ADGRV1: variants seen among roughly 807,000 people sequenced by gnomAD.
The protein encoded by ADGRV1 is G-protein coupled receptor 98.
Under a neutral mutation model 596.2 loss-of-function variants are expected in ADGRV1, and 359 were observed. That is an observed-to-expected ratio of 0.60 (90% CI 0.55 to 0.66). ADGRV1 has a LOEUF of 0.66. Among genes scored for constraint, ADGRV1 ranks in the 30% least tolerant of loss-of-function variants. The pLI is 0.00. For missense variants in ADGRV1, 7,274 were observed against 7,575.6 expected, an observed-to-expected ratio of 0.96 and a Z score of 1.48; for synonymous variants, 2,681 against 2,679.2, an observed-to-expected ratio of 1.00 and a Z score of -0.02.
chr5:90,757,117 G>C lies in ADGRV1; in HGVS notation c.11896G>C (p.Asp3966His). Residue 3966 changes from aspartate to histidine, a missense_variant, in exon 57 of 90, where the codon GAC (aspartate) becomes CAC (histidine). Asp to His is a moderately conservative substitution (Grantham distance 81). This residue lies in a region of ADGRV1 where 3,643 missense variants were observed against 3,809.2 expected (regional missense o/e 0.96). Coordinates refer to ENST00000405460, the MANE Select transcript of ADGRV1 (RefSeq NM_032119.4). ...KASPDSAGLE[D>H]FKPSHGILEF... is the part of the protein sequence containing the mutation. ...ATCACCAGACAGTGCTGGCCTGGAA[G>C]ACTTTAAACCATCTCATGGGATTCT... is the stretch of plus-strand genomic sequence containing the variant. 3.1e-6 allele frequency: 5 copies of C among 1,613,948 alleles called. No individual in the cohort carries two copies. Among genetic ancestry groups the C allele is most frequent in the Non-Finnish European group, 4.2e-6 (5 of 1,179,836 alleles).
chr5:90,784,019 G>C lies in ADGRV1; in HGVS notation c.13615G>C (p.Val4539Leu), dbSNP rs367954083. 3.1e-6 allele frequency: 5 copies of C among 1,612,832 alleles called. No individual in the cohort carries two copies. In the African/African-American group the frequency reaches 4.0e-5, roughly 13 times the overall value. The change falls in exon 67 of 90, where the codon GTG becomes CTG. Residue 4539 changes from valine (V) to leucine (L), a missense_variant. This residue lies in a region of ADGRV1 where 3,643 missense variants were observed against 3,809.2 expected (regional missense o/e 0.96). Coordinates refer to ENST00000405460, the MANE Select transcript of ADGRV1 (RefSeq NM_032119.4). ...CAATTCCACAATGATTTTATCACTG[G>C]TGCTGGAGCGGACTGGAGGACTCTT... ...NPNSTMILSL[V>L]LERTGGLLGE...
intron 1 of ADGRV1, among the ~76,000 whole-genome samples, chr5:90,570,611 C>CT (rs1756398234): frequency 6.6e-6 from 1 of 152,062 alleles, no homozygotes; most frequent in Non-Finnish European, 1.5e-5. Flanking sequence ...CTCTGTTCAT[C>CT]TTTCTTCCTT....
At chr5:90,814,676 T>C (rs1762739010) in intron 74 of ADGRV1, among the ~76,000 whole-genome samples, 1 of 152,162 alleles carries the variant, frequency 6.6e-6, no homozygotes, top group East Asian at 1.9e-4. Context: ...TCCACCGTGA[T>C]TGTAAGTTTG....
At chr5:90,654,019 G>C (rs943865471) in intron 20 of ADGRV1, 67 bp downstream of exon 20, 2 of 1,497,930 alleles carry the variant, frequency 1.3e-6, no homozygotes, top group African/African-American at 2.8e-5. Context: ...TTAAAATTTA[G>C]ATTTTTAAAA....
chr5:91,035,863 AT>A (rs1784850931), intron 85 of ADGRV1, among the ~76,000 whole-genome samples: 13 of 104,034 alleles, frequency 1.2e-4, no homozygotes, highest in East Asian at 2.7e-4. Flanking sequence ...TATATATATT[AT>A]ATATATATAT....
At chr5:91,029,858 TAAA>T (rs1196523294) in intron 85 of ADGRV1, among the ~76,000 whole-genome samples, 1 of 152,160 alleles carries the variant, frequency 6.6e-6, no homozygotes, top group East Asian at 1.9e-4. Context: ...CTCTTGATTT[TAAA>T]AAAATCACCT....
chr5:91,155,967 T>C (rs1249035983), intron 89 of ADGRV1, among the ~76,000 whole-genome samples: 1 of 152,160 alleles, frequency 6.6e-6, no homozygotes, highest in Non-Finnish European at 1.5e-5. Flanking sequence ...ACAAGAGGAA[T>C]GCCGAGGAAA....
At position 90,721,361 on chromosome 5, in the gene ADGRV1, G is replaced by A. The variant is rs35851488; in HGVS notation, c.9748+302G>A. ...TTACTAAAAATACAAAAAATTAGCC[G>A]GGCGTAGTGGCAGGCGCCTGTGGTC... On this transcript the variant is annotated intron_variant, in intron 45 of 89. Transcript: ENST00000405460. Among the ~76,000 whole-genome samples, 47,965 of 151,136 alleles carry A rather than the reference G, an allele frequency of 0.32. 8,108 individuals carry two copies. The highest frequency in any genetic ancestry group is 0.48 in the Admixed American group (7,281 of 15,170).
chr5:90,993,978 A>G (rs948868305), intron 85 of ADGRV1, among the ~76,000 whole-genome samples: 11 of 140,786 alleles, frequency 7.8e-5, no homozygotes, highest in African/African-American at 1.8e-4. Context: ...ACATTTACCA[A>G]TTTTTTTTTT....
rs75263673 is a variant in ADGRV1, at chr5:90,613,801, G to A, written c.23-1034G>A. ...TATATCAGGAACTCATATATTTGGC[G>A]TGTCTAAGTATAAAGCCATGTGTAG... On this transcript the variant is annotated intron_variant, in intron 1 of 89. Transcript: ENST00000405460. Among the ~76,000 whole-genome samples, 674 of 152,158 alleles carry A rather than the reference G, an allele frequency of 4.4e-3. 26 individuals carry two copies. The highest frequency in any genetic ancestry group is 0.041 in the Admixed American group (628 of 15,264).
At chr5:90,775,624 G>A (rs144468411) in intron 60 of ADGRV1, among the ~76,000 whole-genome samples, 26 of 152,226 alleles carry the variant, frequency 1.7e-4, no homozygotes, top group African/African-American at 5.8e-4. Context: ...CTACAGGCAT[G>A]TGGCACTATG....
intron 87 of ADGRV1, among the ~76,000 whole-genome samples, chr5:91,116,328 A>C (rs1792847988): frequency 6.6e-6 from 1 of 152,224 alleles, no homozygotes; most frequent in South Asian, 2.1e-4. Flanking sequence ...TAGTTTTGTG[A>C]TTGTAGGCAA....
rs755010565 is a variant in ADGRV1, at chr5:90,728,890, A to G, written c.10383A>G (p.Ser3461=). The G allele has an allele frequency of 6.2e-7, 1 of 1,613,128 alleles. No individual in the cohort carries two copies. The highest frequency in any genetic ancestry group is 1.1e-5 in the South Asian group (1 of 91,018). Residue 3461 remains serine (S), a synonymous_variant, in exon 49 of 90, where the codon TCA becomes TCG. Transcript: ENST00000405460. ...SGTTEVEALS[S]ANDIYLIFAE... ...CAACAGAAGTTGAGGCTTTGTCTTC[A>G]GCCAATGATATTTACCTAATATTTG...
intron 77 of ADGRV1, among the ~76,000 whole-genome samples, chr5:90,835,187 C>T (rs1764871809): frequency 6.6e-6 from 1 of 152,034 alleles, no homozygotes; most frequent in Non-Finnish European, 1.5e-5. Flanking sequence ...GAAGTTTTTC[C>T]AGATATTTGA....
At chr5:90,706,050 C>T (rs547209967) in intron 37 of ADGRV1, among the ~76,000 whole-genome samples, 181 bp from the exon 38 acceptor site, 1 of 152,132 alleles carries the variant, frequency 6.6e-6, no homozygotes, top group African/African-American at 2.4e-5. Context: ...ATGCTTTTCC[C>T]ACAGTGAGAC....
rs563715345 is a variant in ADGRV1, at chr5:90,709,234, A to G, written c.8824+325A>G. The stretch of plus-strand genomic sequence containing the variant: ...TTAGCTGTTTTCAGTAGATCTCCAA[A>G]CTCTCAGATGTTTTTATTTTCTTTT... On this transcript the variant is annotated intron_variant, in intron 39 of 89. Coordinates refer to ENST00000405460, the MANE Select transcript of ADGRV1 (RefSeq NM_032119.4). 3.9e-5 allele frequency among the ~76,000 whole-genome samples: 6 copies of G among 152,042 alleles called. No individual in the cohort carries two copies. The South Asian group carries it at 8.3e-4, about 21-fold the overall frequency.
At chr5:91,115,115 T>C (rs1038127369) in intron 87 of ADGRV1, among the ~76,000 whole-genome samples, 1 of 152,244 alleles carries the variant, frequency 6.6e-6, no homozygotes, top group African/African-American at 2.4e-5. Context: ...TACTCTCTGA[T>C]GCCTTTCAAC....
intron 85 of ADGRV1, among the ~76,000 whole-genome samples, chr5:91,039,629 A>C (rs1785174736): frequency 6.6e-6 from 1 of 152,216 alleles, no homozygotes; most frequent in East Asian, 1.9e-4. Flanking sequence ...ACAAATAATA[A>C]ATGTCCACTT....
At chr5:90,721,469 A>T (rs1303943759) in intron 45 of ADGRV1, among the ~76,000 whole-genome samples, 1 of 151,480 alleles carries the variant, frequency 6.6e-6, no homozygotes, top group East Asian at 1.9e-4. Flanking sequence ...GTGCCACTGC[A>T]CTCCAGCCTG....
Sources: allele counts gnomAD v4.1 joint callset (sites outside exome capture counted in the v4.1 genomes callset), GRCh38; gene constraint gnomAD v4.1.1; regional missense constraint gnomAD v4.1.1; transcripts MANE v1.5; gene names NCBI Gene and HGNC (gene_info 2026-07-23, HGNC 2026-07-21).